CRIM1: variants seen among roughly 807,000 people sequenced by gnomAD.
CRIM1 encodes cysteine rich transmembrane BMP regulator 1.
In CRIM1, 32 loss-of-function variants were observed where a neutral mutation model predicts 116.4. That is an observed-to-expected ratio of 0.27 (90% CI 0.21 to 0.37). The LOEUF (loss-of-function observed/expected upper bound fraction) is 0.37. CRIM1 is among the 10% of genes least tolerant of loss of function. The probability of loss-of-function intolerance (pLI) is 1.00; values close to 1 mark genes in which losing one functional copy is unlikely to be tolerated. For synonymous variants in CRIM1, 590 were observed against 509.2 expected, an observed-to-expected ratio of 1.16 and a Z score of -2.13; for missense variants, 1,331 against 1,354.8, an observed-to-expected ratio of 0.98 and a Z score of 0.28.
intron 2 of CRIM1, among the ~76,000 whole-genome samples, chr2:36,411,662 T>TTGTG (rs58015078): frequency 0.29 from 44,033 of 150,022 alleles, 7,321 homozygotes; most frequent in East Asian, 0.48. Context: ...ATCTTATTCT[T>TTGTG]TGTGTGTGTG....
At chr2:36,449,320 C>A (rs138982623) in intron 4 of CRIM1, among the ~76,000 whole-genome samples, 35 of 152,264 alleles carry the variant, frequency 2.3e-4, no homozygotes, top group Non-Finnish European at 2.6e-4. Context: ...CTGGCACTTA[C>A]CACTGAGCTG....
chr2:36,479,618 C>T lies in CRIM1; in HGVS notation c.1296C>T (p.His432=), dbSNP rs1679251894. 1 of 1,614,254 alleles carries T rather than the reference C, an allele frequency of 6.2e-7. No homozygotes were observed. Among genetic ancestry groups the T allele is most frequent in the African/African-American group, 1.3e-5 (1 of 75,070 alleles). The stretch of plus-strand genomic sequence containing the variant: ...GCCAGTGCGTCAACGGTGAACGCCA[C>T]TGCGTTGCGACCGTCTGCGGACAGA... The part of the protein sequence containing the change: ...TFCQCVNGER[H]CVATVCGQTC... Residue 432 remains histidine, a synonymous_variant, in exon 7 of 17, where the codon CAC becomes CAT. Transcript: ENST00000280527.
chr2:36,462,686 T>C (rs1157717601), intron 4 of CRIM1, among the ~76,000 whole-genome samples: 1 of 152,098 alleles, frequency 6.6e-6, no homozygotes, highest in Non-Finnish European at 1.5e-5. Context: ...ATGCTTTCAT[T>C]GTAATCACAT....
chr2:36,427,916 C>T (rs1403413978), intron 2 of CRIM1, among the ~76,000 whole-genome samples: 2 of 152,208 alleles, frequency 1.3e-5, no homozygotes, highest in African/African-American at 4.8e-5. Flanking sequence ...CAGCACCTGG[C>T]TGGTGGACAG....
intron 4 of CRIM1, among the ~76,000 whole-genome samples, chr2:36,456,014 T>C (rs1380172759): frequency 6.6e-6 from 1 of 152,196 alleles, no homozygotes; most frequent in Non-Finnish European, 1.5e-5. Flanking sequence ...TAAAGTCATC[T>C]GTTTCAGCAC....
intron 4 of CRIM1, among the ~76,000 whole-genome samples, chr2:36,450,757 C>G (rs978150122): frequency 6.6e-6 from 1 of 152,186 alleles, no homozygotes; most frequent in Non-Finnish European, 1.5e-5. Context: ...TCATCAATGT[C>G]GTTTGCTTTC....
chr2:36,375,094 T>G (rs1670225265), intron 1 of CRIM1, among the ~76,000 whole-genome samples: 1 of 152,178 alleles, frequency 6.6e-6, no homozygotes, highest in Non-Finnish European at 1.5e-5. Context: ...GATATTAACT[T>G]CAAAATGAAT....
intron 4 of CRIM1, among the ~76,000 whole-genome samples, chr2:36,463,203 C>T (rs1245562378): frequency 6.6e-6 from 1 of 152,118 alleles, no homozygotes; most frequent in Non-Finnish European, 1.5e-5. Context: ...CAAATCATAA[C>T]CTAAAGTAAT....
At chr2:36,471,754 C>CAT (rs1453712368) in intron 5 of CRIM1, among the ~76,000 whole-genome samples, 1 of 139,580 alleles carries the variant, frequency 7.2e-6, no homozygotes, top group Admixed American at 7.2e-5. Flanking sequence ...CACACACACA[C>CAT]ACACACCATC....
chr2:36,435,736 C>T (rs1238071369), intron 2 of CRIM1, among the ~76,000 whole-genome samples: 1 of 152,032 alleles, frequency 6.6e-6, no homozygotes, highest in Non-Finnish European at 1.5e-5. Context: ...CAGTCATACA[C>T]ATTAAAGTGA....
intron 9 of CRIM1, among the ~76,000 whole-genome samples, chr2:36,511,183 A>T (rs1265366150): frequency 1.3e-5 from 2 of 152,124 alleles, no homozygotes; most frequent in African/African-American, 2.4e-5. Context: ...TCAAGCGATC[A>T]GCCTACCTTG....
chr2:36,427,397 C>G (rs927555736), intron 2 of CRIM1, among the ~76,000 whole-genome samples: 1 of 152,074 alleles, frequency 6.6e-6, no homozygotes, highest in African/African-American at 2.4e-5. Flanking sequence ...TTAACTTCCC[C>G]TCATAAAACC....
chr2:36,501,736 CA>C (rs57220540), intron 8 of CRIM1, among the ~76,000 whole-genome samples: 8 of 147,870 alleles, frequency 5.4e-5, no homozygotes, highest in Non-Finnish European at 7.5e-5. Context: ...AACTAACAAA[CA>C]AAAAAAAAAC....
chr2:36,507,537 A>G (rs1304136204), intron 8 of CRIM1, among the ~76,000 whole-genome samples: 5 of 152,156 alleles, frequency 3.3e-5, no homozygotes, highest in South Asian at 4.1e-4. Context: ...AGCTCCCTCT[A>G]TTGGGAAGCT....
chr2:36,477,435 A>G (rs1003353925), intron 6 of CRIM1, among the ~76,000 whole-genome samples: 1 of 152,160 alleles, frequency 6.6e-6, no homozygotes. Context: ...CTCACCTCAG[A>G]TTGCTCAGTT....
At chr2:36,449,679 G>T (rs1371223138) in intron 4 of CRIM1, among the ~76,000 whole-genome samples, 1 of 152,096 alleles carries the variant, frequency 6.6e-6, no homozygotes, top group Non-Finnish European at 1.5e-5. Flanking sequence ...CTTTCCAAAA[G>T]CCTTTAGAAG....
At chr2:36,465,172 C>G (rs146958175) in intron 5 of CRIM1, among the ~76,000 whole-genome samples, 94 of 152,324 alleles carry the variant, frequency 6.2e-4, no homozygotes, top group African/African-American at 2.1e-3. Flanking sequence ...TGGTTGGTCA[C>G]TGATAGCGGC....
chr2:36,490,395 G>GC, intron 7 of CRIM1, among the ~76,000 whole-genome samples: 1 of 152,276 alleles, frequency 6.6e-6, no homozygotes, highest in South Asian at 2.1e-4. Context: ...TAATGAGAGA[G>GC]CAGGGACTCA....
At chr2:36,535,314 A>G (rs968813317) in intron 13 of CRIM1, among the ~76,000 whole-genome samples, 5 of 152,200 alleles carry the variant, frequency 3.3e-5, no homozygotes, top group South Asian at 2.1e-4. Context: ...TGTTCAGCCA[A>G]TTTGACACGT....
Sources: allele counts gnomAD v4.1 joint callset (sites outside exome capture counted in the v4.1 genomes callset), GRCh38; gene constraint gnomAD v4.1.1; transcripts MANE v1.5; gene names NCBI Gene and HGNC (gene_info 2026-07-23, HGNC 2026-07-21).